GOLGA4: variants seen among roughly 807,000 people sequenced by gnomAD.
GOLGA4 encodes the protein golgin A4.
A neutral mutation model predicts 265.9 loss-of-function variants in GOLGA4; 169 were observed. The observed-to-expected ratio is 0.64, with a 90% CI of 0.56 to 0.72. The LOEUF (loss-of-function observed/expected upper bound fraction) is 0.72, where lower values mean the gene tolerates loss of function less well. GOLGA4 is among the 30% of genes least tolerant of loss of function. The probability of loss-of-function intolerance (pLI) is 0.00; values close to 1 mark genes in which losing one functional copy is unlikely to be tolerated. For missense variants in GOLGA4, 2,482 were observed against 2,483.4 expected, an observed-to-expected ratio of 1.00 and a Z score of 0.01; for synonymous variants, 923 against 855.8, an observed-to-expected ratio of 1.08 and a Z score of -1.37.
At chr3:37,272,699 G>T (rs1222146159) in intron 2 of GOLGA4, among the ~76,000 whole-genome samples, 1 of 152,158 alleles carries the variant, frequency 6.6e-6, no homozygotes, top group African/African-American at 2.4e-5. Context: ...TCAGATATTT[G>T]CCTTTCCTTG....
At chr3:37,355,301 A>G in intron 22 of GOLGA4, 114 bp downstream of exon 22, 1 of 628,374 alleles carries the variant, frequency 1.6e-6, no homozygotes, top group South Asian at 1.8e-5. Context: ...TCAAATCTTT[A>G]TTATATCACA....
intron 2 of GOLGA4, among the ~76,000 whole-genome samples, chr3:37,271,937 A>G (rs2096799824): frequency 6.6e-6 from 1 of 152,116 alleles, no homozygotes; most frequent in Admixed American, 6.6e-5. Flanking sequence ...AACCCTGTGG[A>G]GAACTGTGCA....
intron 22 of GOLGA4, among the ~76,000 whole-genome samples, chr3:37,359,249 G>C (rs865954914): frequency 6.6e-6 from 1 of 152,022 alleles, no homozygotes; most frequent in Admixed American, 6.6e-5. Flanking sequence ...ATAAGTTCTT[G>C]GCTCATCTAA....
At chr3:37,265,956 G>A (rs2150691171) in intron 2 of GOLGA4, among the ~76,000 whole-genome samples, 1 of 151,084 alleles carries the variant, frequency 6.6e-6, no homozygotes, top group South Asian at 2.1e-4. Flanking sequence ...AGTCCAGGAG[G>A]TGGAGGGTAC....
At chr3:37,316,199 C>CTTTTTTTTTTTT (rs34521576) in intron 11 of GOLGA4, among the ~76,000 whole-genome samples, 1 of 138,784 alleles carries the variant, frequency 7.2e-6, no homozygotes, top group Non-Finnish European at 1.6e-5. Context: ...TTTTTTTCTG[C>CTTTTTTTTTTTT]TTTTTTTTTT....
intron 21 of GOLGA4, among the ~76,000 whole-genome samples, chr3:37,353,061 A>G (rs1307988494): frequency 6.6e-6 from 1 of 152,060 alleles, no homozygotes; most frequent in African/African-American, 2.4e-5. Context: ...AATCCCAAGG[A>G]AAAGGAAAGA....
Position 37,325,940 on chromosome 3 carries a change from A to T in GOLGA4, c.4054A>T (p.Ile1352Phe), listed in dbSNP as rs373530993. The T allele has an allele frequency of 1.4e-5, 23 of 1,612,464 alleles. No homozygotes were observed. Among genetic ancestry groups the T allele is most frequent in the Non-Finnish European group, 1.8e-5 (21 of 1,178,882 alleles). ...TQLKKELSEN[I>F]NAVTLMKEEL... ...GTTGAAGAAAGAGTTATCTGAAAACATCAATGCTGTCACATTGATGAAAGA... is the reference window on the plus strand; with the variant it reads ...GTTGAAGAAAGAGTTATCTGAAAACTTCAATGCTGTCACATTGATGAAAGA... Residue 1352 changes from isoleucine (I) to phenylalanine (F), a missense_variant, in exon 14 of 24, where the codon ATC becomes TTC. This residue lies in a region of GOLGA4 where 942 missense variants were observed against 983.1 expected (regional missense o/e 0.96). Coordinates refer to ENST00000361924, the MANE Select transcript of GOLGA4 (RefSeq NM_002078.5).
At chr3:37,331,100 A>G (rs1166814603) in intron 16 of GOLGA4, among the ~76,000 whole-genome samples, 1 of 152,020 alleles carries the variant, frequency 6.6e-6, no homozygotes, top group Non-Finnish European at 1.5e-5. Context: ...TCTAGTAGCC[A>G]CATTTAAAAA....
chr3:37,249,782 C>T (rs1181956214), intron 1 of GOLGA4: 4 of 152,220 alleles, frequency 2.6e-5, no homozygotes, highest in Non-Finnish European at 5.9e-5. Context: ...CTTTACCCTA[C>T]AGAATTTCCC....
chr3:37,355,856 G>T (rs1322158967), intron 22 of GOLGA4, among the ~76,000 whole-genome samples: 1 of 151,934 alleles, frequency 6.6e-6, no homozygotes, highest in Non-Finnish European at 1.5e-5. Flanking sequence ...CTCTCTTTCT[G>T]CTTCTTTTCC....
chr3:37,364,310 G>A (rs563354766), intron 23 of GOLGA4, among the ~76,000 whole-genome samples: 3 of 150,730 alleles, frequency 2.0e-5, no homozygotes, highest in East Asian at 3.9e-4. Flanking sequence ...GCGCAATCTC[G>A]GCTCACTGCA....
chr3:37,364,760 T>TA (rs372948979), intron 23 of GOLGA4, among the ~76,000 whole-genome samples: 2 of 145,364 alleles, frequency 1.4e-5, no homozygotes, highest in Admixed American at 6.9e-5. Context: ...CTATTTTTTT[T>TA]AAAAAAAAGT....
intron 2 of GOLGA4, among the ~76,000 whole-genome samples, chr3:37,252,171 G>C (rs2096735726): frequency 6.6e-6 from 1 of 151,882 alleles, no homozygotes; most frequent in South Asian, 2.1e-4. Context: ...CATACAAAAA[G>C]AAGGTAAAAC....
At chr3:37,269,378 T>G (rs2150707817) in intron 2 of GOLGA4, among the ~76,000 whole-genome samples, 1 of 152,324 alleles carries the variant, frequency 6.6e-6, no homozygotes, top group South Asian at 2.1e-4. Context: ...GGGACACGTT[T>G]ACCTATGTAA....
Position 37,243,286 on chromosome 3 carries a change from G to A in GOLGA4, c.-265G>A. On this transcript the variant is annotated 5_prime_UTR_variant, in exon 1 of 24. Coordinates refer to ENST00000361924, the MANE Select transcript of GOLGA4 (RefSeq NM_002078.5). ...CTTGGCGCACAGTTCACCTGCTGCC[G>A]TTGTCGTCGCCGCCGCGGCTCCCGG... 3.8e-6 allele frequency: 2 copies of A among 532,588 alleles called. No individual in the cohort carries two copies. Among genetic ancestry groups the A allele is most frequent in the Non-Finnish European group, 6.7e-6 (2 of 300,680 alleles). The allele number at this position is 532,588 out of a possible 1,614,324, so 33.0% of individuals were successfully genotyped here.
intron 10 of GOLGA4, among the ~76,000 whole-genome samples, chr3:37,303,654 A>G (rs757758849): frequency 3.0e-4 from 46 of 152,358 alleles, no homozygotes; most frequent in Non-Finnish European, 3.2e-4. Flanking sequence ...TCATCAGCCT[A>G]GGATCGAAGC....
rs1267838918 is a variant in GOLGA4, at chr3:37,299,294, C to T, written c.1009C>T (p.His337Tyr). The stretch of plus-strand genomic sequence containing the variant: ...ATTTAAAAATTTTTTTTAGGACCTT[C>T]ATATGGCCGAGAAGACTAAACTTAT... ...LQELEKIKDL[H>Y]MAEKTKLITQ... is the part of the protein sequence containing the mutation. Residue 337 changes from histidine to tyrosine, a missense_variant, in exon 9 of 24, where the codon CAT becomes TAT. Physicochemically the swap from His to Tyr is moderately conservative, Grantham distance 83. This residue lies in a region of GOLGA4 where 1,536 missense variants were observed against 1,483.7 expected (regional missense o/e 1.04). Transcript: ENST00000361924. 3 of 1,608,584 alleles carry T rather than the reference C, an allele frequency of 1.9e-6. No homozygotes were observed. Among genetic ancestry groups the T allele is most frequent in the East Asian group, 2.2e-5 (1 of 44,816 alleles).
chr3:37,361,944 TTCA>T (rs1355270275), intron 23 of GOLGA4, among the ~76,000 whole-genome samples: 6 of 152,242 alleles, frequency 3.9e-5, no homozygotes, highest in Non-Finnish European at 7.3e-5. Context: ...GTTGACTGTC[TTCA>T]TCATTTAAAC....
At chr3:37,362,520 G>T (rs1205778544) in intron 23 of GOLGA4, among the ~76,000 whole-genome samples, 3 of 150,542 alleles carry the variant, frequency 2.0e-5, no homozygotes, top group Non-Finnish European at 3.0e-5. Context: ...GATTACAGGC[G>T]TGAGCCGCGC....
Sources: allele counts gnomAD v4.1 joint callset (sites outside exome capture counted in the v4.1 genomes callset), GRCh38; gene constraint gnomAD v4.1.1; regional missense constraint gnomAD v4.1.1; transcripts MANE v1.5; gene names NCBI Gene and HGNC (gene_info 2026-07-23, HGNC 2026-07-21).